AP3B1: variants seen among roughly 807,000 people sequenced by gnomAD.
AP3B1 encodes the protein adaptor related protein complex 3 subunit beta 1, also known as AP-3 complex subunit beta-1.
A neutral mutation model predicts 132.5 loss-of-function variants in AP3B1; 61 were observed. The ratio of observed to expected loss-of-function variants is 0.46; its 90% confidence interval spans 0.37 to 0.57. AP3B1 has a LOEUF of 0.57. AP3B1 is among the 20% of genes least tolerant of loss of function. AP3B1 has a pLI of 0.00. For missense variants in AP3B1, 1,120 were observed against 1,289.4 expected (o/e 0.87, Z 2.01); for synonymous variants, 388 against 438.3 (o/e 0.89, Z 1.43).
intron 21 of AP3B1, among the ~76,000 whole-genome samples, chr5:78,092,234 T>C (rs1202947244): frequency 6.6e-6 from 1 of 152,204 alleles, no homozygotes; most frequent in African/African-American, 2.4e-5. Flanking sequence ...CTTGGCTAAA[T>C]ACCATCAAGA....
intron 11 of AP3B1, among the ~76,000 whole-genome samples, chr5:78,168,448 T>C (rs1743755446): frequency 6.6e-6 from 1 of 152,042 alleles, no homozygotes; most frequent in Non-Finnish European, 1.5e-5. Context: ...GGTCTCAAAC[T>C]CCTAGGCTCA....
At chr5:78,038,436 A>C (rs1461696129) in intron 23 of AP3B1, among the ~76,000 whole-genome samples, 1 of 152,208 alleles carries the variant, frequency 6.6e-6, no homozygotes, top group Non-Finnish European at 1.5e-5. Flanking sequence ...CACTAACCCT[A>C]ATGATAGCTG....
intron 26 of AP3B1, among the ~76,000 whole-genome samples, chr5:78,014,223 A>G (rs1444172163): frequency 6.6e-6 from 1 of 151,630 alleles, no homozygotes; most frequent in East Asian, 1.9e-4. Flanking sequence ...AAAAAAAAAC[A>G]GTACAAGGTA....
intron 6 of AP3B1, among the ~76,000 whole-genome samples, chr5:78,219,794 A>G (rs1274626274): frequency 6.6e-6 from 1 of 152,176 alleles, no homozygotes; most frequent in East Asian, 1.9e-4. Context: ...CTCTAGCCTA[A>G]AAGAAGCAAC....
downstream of AP3B1, chr5:78,001,458 G>A (rs1002663430): frequency 2.7e-4 from 41 of 152,126 alleles, no homozygotes; most frequent in African/African-American, 8.5e-4. Flanking sequence ...CACATGGTAC[G>A]GAATTGGCAC....
At chr5:78,097,988 C>T (rs1203392442) in intron 21 of AP3B1, among the ~76,000 whole-genome samples, 1 of 152,144 alleles carries the variant, frequency 6.6e-6, no homozygotes, top group Non-Finnish European at 1.5e-5. Context: ...ACCCCCCAAC[C>T]CTGTGCTCTC....
intron 20 of AP3B1, among the ~76,000 whole-genome samples, chr5:78,107,386 T>A (rs1361564678): frequency 1.3e-5 from 2 of 152,222 alleles, no homozygotes; most frequent in Non-Finnish European, 2.9e-5. Flanking sequence ...AATATTTTTC[T>A]AAACTCACTC....
intron 6 of AP3B1, among the ~76,000 whole-genome samples, chr5:78,217,553 C>T (rs1396894120): frequency 6.6e-6 from 1 of 151,952 alleles, no homozygotes; most frequent in African/African-American, 2.4e-5. Flanking sequence ...GGAAGTTAAG[C>T]TCATGCTTTC....
At chr5:78,145,619 G>T (rs1031875972) in intron 14 of AP3B1, among the ~76,000 whole-genome samples, 1 of 152,156 alleles carries the variant, frequency 6.6e-6, no homozygotes, top group Non-Finnish European at 1.5e-5. Flanking sequence ...CCTCACTGGG[G>T]TCATATTTAC....
chr5:78,096,987 C>G, intron 21 of AP3B1, among the ~76,000 whole-genome samples: 1 of 143,236 alleles, frequency 7.0e-6, no homozygotes, highest in East Asian at 2.1e-4. Context: ...TCTGCCCGGC[C>G]AGCCGCCCTG....
At chr5:78,193,732 G>GTGTATATATATATATA (rs1340871803) in intron 7 of AP3B1, among the ~76,000 whole-genome samples, 43 of 89,184 alleles carry the variant, frequency 4.8e-4, no homozygotes, top group East Asian at 3.3e-3. Flanking sequence ...TTAAATATTT[G>GTGTATATATATATATA]TATATATTTT....
At position 78,192,009 on chromosome 5, in the gene AP3B1, C is replaced by T. The variant is rs1036398492; in HGVS notation, c.787-10347G>A. On this transcript the variant is annotated intron_variant, in intron 7 of 26. Coordinates refer to ENST00000255194, the MANE Select transcript of AP3B1 (RefSeq NM_003664.5). The stretch of plus-strand genomic sequence containing the variant: ...CTGAGTAGCTAGGGTTACAGGCATG[C>T]ACCACCACACCCGGCTAATTTTGTA... Among the ~76,000 whole-genome samples the T allele has an allele frequency of 2.0e-5, 3 of 152,070 alleles. No individual in the cohort carries two copies. In the East Asian group the frequency reaches 5.9e-4, roughly 30 times the overall value.
intron 2 of AP3B1, among the ~76,000 whole-genome samples, chr5:78,257,250 CA>C (rs1747884261): frequency 6.6e-6 from 1 of 151,984 alleles, no homozygotes; most frequent in Non-Finnish European, 1.5e-5. Context: ...GCAGATGATA[CA>C]ATCTTATATT....
In AP3B1 at chr5:78,141,143, C is replaced by T. The variant is rs1753128436; in HGVS notation, c.1650G>A (p.Gln550=). 1 of 1,613,138 alleles carries T rather than the reference C, an allele frequency of 6.2e-7. No individual in the cohort carries two copies. The highest frequency in any genetic ancestry group is 1.3e-5 in the African/African-American group (1 of 74,888). ...GAKLYLTNSK[Q]TKLLTQYILN... ...AGGTTGACTAACATTTGCCTCTCAC[C>T]TGTTTGGAGTTGGTTAAATACAATT... The change falls in exon 15 of 27, where the codon CAG becomes CAA. Residue 550 remains glutamine, a splice_region_variant and synonymous_variant. Coordinates refer to ENST00000255194, the MANE Select transcript of AP3B1 (RefSeq NM_003664.5).
At position 78,213,179 on chromosome 5, in the gene AP3B1, T is replaced by G. The variant is rs147605552; in HGVS notation, c.786+2876A>C. On this transcript the variant is annotated intron_variant, in intron 7 of 26. Coordinates refer to ENST00000255194, the MANE Select transcript of AP3B1 (RefSeq NM_003664.5). ...CAGGCGTGAGCCACCGCGCCCGGCC[T>G]CGTCTGCCAACTTCTAAAGCTAAAA... is the stretch of plus-strand genomic sequence containing the variant. Among the ~76,000 whole-genome samples the G allele has an allele frequency of 9.6e-3, 1,460 of 152,260 alleles. 26 individuals carry two copies. The highest frequency in any genetic ancestry group is 0.032 in the African/African-American group (1,347 of 41,548).
chr5:78,125,279 A>G (rs1446683335), intron 17 of AP3B1, among the ~76,000 whole-genome samples: 1 of 152,140 alleles, frequency 6.6e-6, no homozygotes, highest in Non-Finnish European at 1.5e-5. Flanking sequence ...CCTATATCCT[A>G]GAAATGGTGG....
intron 11 of AP3B1, among the ~76,000 whole-genome samples, chr5:78,168,317 G>A (rs1743750238): frequency 6.6e-6 from 1 of 151,052 alleles, no homozygotes. Context: ...TCAACCTCTG[G>A]GGCTCAAACA....
intron 7 of AP3B1, among the ~76,000 whole-genome samples, chr5:78,193,732 GTATATATTTT>G (rs1330225004): frequency 3.4e-5 from 3 of 89,248 alleles, no homozygotes; most frequent in East Asian, 2.5e-4. Flanking sequence ...TTAAATATTT[GTATATATTTT>G]TTTATATATA....
At chr5:78,184,746 C>T (rs1210277073) in intron 7 of AP3B1, among the ~76,000 whole-genome samples, 1 of 151,140 alleles carries the variant, frequency 6.6e-6, no homozygotes, top group Non-Finnish European at 1.5e-5. Flanking sequence ...CCTAACATTC[C>T]TTTCATCTAT....
Sources: allele counts gnomAD v4.1 joint callset (sites outside exome capture counted in the v4.1 genomes callset), GRCh38; gene constraint gnomAD v4.1.1; transcripts MANE v1.5; gene names NCBI Gene and HGNC (gene_info 2026-07-23, HGNC 2026-07-21).